Variants in AK2 observed in about 807,000 individuals in gnomAD.
AK2 encodes adenylate kinase 2, mitochondrial.
AK2 carries 15 observed loss-of-function variants against 24.6 expected under a neutral mutation model. That is an observed-to-expected ratio of 0.61 (90% confidence interval 0.41 to 0.94). The LOEUF (loss-of-function observed/expected upper bound fraction) is 0.94, where lower values mean the gene tolerates loss of function less well. AK2 is among the 40% of genes least tolerant of loss of function. The probability of loss-of-function intolerance (pLI) is 0.00; values close to 1 mark genes in which losing one functional copy is unlikely to be tolerated. For missense variants in AK2, 257 were observed against 304.1 expected, an observed-to-expected ratio of 0.85 and a Z score of 1.15; for synonymous variants, 102 against 114.0, an observed-to-expected ratio of 0.90 and a Z score of 0.67.
chr1:33,033,813 G>C (rs1640398977), intron 1 of AK2, among the ~76,000 whole-genome samples: 1 of 152,114 alleles, frequency 6.6e-6, no homozygotes, highest in African/African-American at 2.4e-5. Flanking sequence ...AAAAAGTTAA[G>C]GTGTATGAGA....
intron 1 of AK2, chr1:33,031,795 A>G (rs1246357070): frequency 3.7e-5 from 15 of 408,778 alleles, no homozygotes; most frequent in South Asian, 2.6e-4. Flanking sequence ...AGTTTGACAC[A>G]TGGAAGAAAT....
Position 33,008,787 on chromosome 1 carries a change from GTCAGTCT to G in AK2, c.*4387_*4393del, listed in dbSNP as rs1638629842. On this transcript the variant is annotated 3_prime_UTR_variant, in exon 6 of 6. Coordinates refer to ENST00000672715, the MANE Select transcript of AK2 (RefSeq NM_001625.4). ...GCCTTTGCATAATACCTGGCACAAC[GTCAGTCT>G]TCCGGGAGTGGTAGGACTAGTCTGC... 2.2e-6 allele frequency: 1 copy of G among 454,098 alleles called. No individual in the cohort carries two copies. Among genetic ancestry groups the G allele is most frequent in the Non-Finnish European group, 4.4e-6 (1 of 226,788 alleles). The allele number at this position is 454,098 out of a possible 1,614,324, so 28.1% of individuals were successfully genotyped here.
chr1:33,034,966 T>C (rs1457780182), intron 1 of AK2, among the ~76,000 whole-genome samples: 2 of 152,000 alleles, frequency 1.3e-5, no homozygotes, highest in Admixed American at 1.3e-4. Flanking sequence ...GTGGGAGGAT[T>C]GCTTGAGCTC....
intron 1 of AK2, among the ~76,000 whole-genome samples, chr1:33,028,114 C>G (rs1640012841): frequency 6.6e-6 from 1 of 152,190 alleles, no homozygotes; most frequent in African/African-American, 2.4e-5. Context: ...CTGCAGAAAC[C>G]TAATGAAATA....
At chr1:33,014,249 G>C in intron 5 of AK2, 1 of 371,376 alleles carries the variant, frequency 2.7e-6, no homozygotes, top group African/African-American at 2.1e-5. Flanking sequence ...TGCCAGAAAA[G>C]GGGCTGCTCT....
At chr1:33,015,459 C>T (rs1639123500) in intron 4 of AK2, among the ~76,000 whole-genome samples, 1 of 152,240 alleles carries the variant, frequency 6.6e-6, no homozygotes, top group Non-Finnish European at 1.5e-5. Flanking sequence ...TGCTCAGCAG[C>T]CAGGCCTTGC....
rs1024859672 is a variant in AK2, at chr1:33,011,917, G to T, written c.*1264C>A. 6.5e-7 allele frequency: 1 copy of T among 1,532,236 alleles called. No homozygotes were observed. Among genetic ancestry groups the T allele is most frequent in the African/African-American group, 1.4e-5 (1 of 72,928 alleles). The allele number at this position is 1,532,236 out of a possible 1,614,324, so 94.9% of individuals were successfully genotyped here. ...TGGATCTAGAAAGGAGAGGGTTTGG[G>T]CTTAAAAAGAACATATCTGATTTCA... On this transcript the variant is annotated 3_prime_UTR_variant, in exon 6 of 6. Transcript: ENST00000672715.
At chr1:33,020,154 G>C (rs1639439272) in intron 4 of AK2, 1 of 1,532,060 alleles carries the variant, frequency 6.5e-7, no homozygotes, top group Non-Finnish European at 8.7e-7. Flanking sequence ...GCATTTCTGT[G>C]TTCAATGCTA....
chr1:33,033,912 T>G (rs1206253353), intron 1 of AK2, among the ~76,000 whole-genome samples: 2 of 152,166 alleles, frequency 1.3e-5, no homozygotes, highest in Non-Finnish European at 2.9e-5. Context: ...CTCACTCTGT[T>G]GCCCAGGCTG....
At chr1:33,034,510 C>G (rs146159831) in intron 1 of AK2, among the ~76,000 whole-genome samples, 3 of 151,262 alleles carry the variant, frequency 2.0e-5, no homozygotes, top group Non-Finnish European at 2.9e-5. Flanking sequence ...TTTCCAGTAT[C>G]ATTGTGAATG....
chr1:33,009,716 C>G lies in AK2; in HGVS notation c.*3465G>C. 1 of 454,128 alleles carries G rather than the reference C, an allele frequency of 2.2e-6. No homozygotes were observed. Among genetic ancestry groups the G allele is most frequent in the South Asian group, 1.6e-5 (1 of 64,474 alleles). The allele number at this position is 454,128 out of a possible 1,614,324, so 28.1% of individuals were successfully genotyped here. On this transcript the variant is annotated 3_prime_UTR_variant, in exon 6 of 6. Coordinates refer to ENST00000672715, the MANE Select transcript of AK2 (RefSeq NM_001625.4). Reference sequence around the variant, plus strand: ...ACAGTGCTATCTCCACTAGACCAAGCTGCCTTGTCTCTGGGCTCAAGAGAA... The same window carrying G: ...ACAGTGCTATCTCCACTAGACCAAGGTGCCTTGTCTCTGGGCTCAAGAGAA...
At position 33,011,702 on chromosome 1, in the gene AK2, T is replaced by C. The variant is rs1268515825; in HGVS notation, c.*1479A>G. 1 of 1,320,990 alleles carries C rather than the reference T, an allele frequency of 7.6e-7. No homozygotes were observed. The highest frequency in any genetic ancestry group is 9.9e-7 in the Non-Finnish European group (1 of 1,011,732). The allele number at this position is 1,320,990 out of a possible 1,614,324, so 81.8% of individuals were successfully genotyped here. A position where few individuals can be genotyped will look rare whatever the true frequency, so the allele number is the denominator to read the frequency against. On this transcript the variant is annotated 3_prime_UTR_variant, in exon 6 of 6. Transcript: ENST00000672715. Reference sequence around the variant, plus strand: ...TTTTGTGGTCCTTCATAGCAGTCTGTTACTTCATCTGTTTGCCACAAATCA... The same window carrying C: ...TTTTGTGGTCCTTCATAGCAGTCTGCTACTTCATCTGTTTGCCACAAATCA...
At chr1:33,026,677 G>A (rs1326408620) in intron 1 of AK2, among the ~76,000 whole-genome samples, 1 of 151,640 alleles carries the variant, frequency 6.6e-6, no homozygotes, top group African/African-American at 2.4e-5. Flanking sequence ...GCATGGTGGC[G>A]CATGCCTGTA....
intron 5 of AK2, among the ~76,000 whole-genome samples, chr1:33,014,180 C>T (rs948984398): frequency 6.6e-6 from 1 of 152,230 alleles, no homozygotes; most frequent in East Asian, 1.9e-4. Flanking sequence ...TTCCCACTCT[C>T]CAATTGTAGG....
At position 33,012,139 on chromosome 1, in the gene AK2, C is replaced by CA; in HGVS notation, c.*1041dup. ...ATGATCAGCCTGGATGTTCAGAAGACAATCTGAATTCAAAAGGACCTTTCA... is the reference window on the plus strand; with the variant it reads ...ATGATCAGCCTGGATGTTCAGAAGACAAATCTGAATTCAAAAGGACCTTTCA... On this transcript the variant is annotated 3_prime_UTR_variant, in exon 6 of 6. Coordinates refer to ENST00000672715, the MANE Select transcript of AK2 (RefSeq NM_001625.4). 6.5e-7 allele frequency: 1 copy of CA among 1,535,406 alleles called. No individual in the cohort carries two copies. Among genetic ancestry groups the CA allele is most frequent in the Non-Finnish European group, 8.7e-7 (1 of 1,146,714 alleles).
intron 1 of AK2, among the ~76,000 whole-genome samples, chr1:33,029,859 C>T (rs1475622025): frequency 6.6e-6 from 1 of 152,196 alleles, no homozygotes; most frequent in Non-Finnish European, 1.5e-5. Context: ...ACCTTTGTGC[C>T]TCCAGTCTTT....
At chr1:33,019,782 G>C in intron 4 of AK2, 1 of 1,067,640 alleles carries the variant, frequency 9.4e-7, no homozygotes, top group Non-Finnish European at 1.1e-6. Flanking sequence ...CATTATGATG[G>C]CCATAGTATC....
chr1:33,017,305 G>A (rs539378347), intron 4 of AK2, among the ~76,000 whole-genome samples: 2 of 152,338 alleles, frequency 1.3e-5, no homozygotes, highest in African/African-American at 4.8e-5. Flanking sequence ...TGTGACTGCA[G>A]TCATGTACTG....
chr1:33,014,692 C>T, intron 4 of AK2, 98 bp from the exon 5 acceptor site: 2 of 1,068,302 alleles, frequency 1.9e-6, no homozygotes, highest in Non-Finnish European at 2.9e-6. Context: ...GATAGGGACG[C>T]TGGATGCAAG....
Sources: gnomAD v4.1 joint callset for allele counts (sites outside exome capture counted in the v4.1 genomes callset) on GRCh38, gnomAD v4.1.1 for gene constraint, MANE v1.5 for transcripts, NCBI Gene and HGNC (gene_info 2026-07-23, HGNC 2026-07-21) for gene names.